The following RYR2 variants were observed in gnomAD, a reference collection of about 807,000 sequenced individuals.
RYR2 encodes cardiac muscle ryanodine receptor-calcium release channel.
RYR2 carries 227 observed loss-of-function variants against 601.1 expected under a neutral mutation model. The ratio of observed to expected loss-of-function variants is 0.38; its 90% CI spans 0.34 to 0.42. The LOEUF is 0.42. RYR2 is among the 10% of genes least tolerant of loss of function. The probability of loss-of-function intolerance (pLI) is 1.00; values close to 1 mark genes in which losing one functional copy is unlikely to be tolerated. For synonymous variants in RYR2, 2,223 were observed against 2,175.1 expected (o/e 1.02, Z -0.61); for missense variants, 4,646 against 6,156.5 (o/e 0.75, Z 8.21).
chr1:237,453,063 G>A (rs1244225213), intron 14 of RYR2, among the ~76,000 whole-genome samples: 2 of 151,980 alleles, frequency 1.3e-5, no homozygotes, highest in African/African-American at 4.8e-5. Flanking sequence ...ATTAACAGTT[G>A]AGTTTGAATT....
intron 91 of RYR2, among the ~76,000 whole-genome samples, chr1:237,787,390 C>T (rs1573948435): frequency 6.6e-6 from 1 of 151,782 alleles, no homozygotes; most frequent in Admixed American, 6.6e-5. Flanking sequence ...GAGTTCAAGA[C>T]CAGCCTGGCC....
intron 95 of RYR2, 78 bp from the exon 96 acceptor site, chr1:237,795,211 G>T: frequency 3.0e-6 from 2 of 672,640 alleles, no homozygotes; most frequent in Non-Finnish European, 2.5e-6. Context: ...TTTTAAGTAT[G>T]CCATATATCC....
At chr1:237,128,103 CTGAG>C (rs1671733625) in intron 1 of RYR2, among the ~76,000 whole-genome samples, 2 of 152,196 alleles carry the variant, frequency 1.3e-5, no homozygotes, top group Non-Finnish European at 2.9e-5. Context: ...CCATTGAGCA[CTGAG>C]TGAACGAGAC....
At chr1:237,328,008 G>C (rs1195024757) in intron 2 of RYR2, among the ~76,000 whole-genome samples, 1 of 152,170 alleles carries the variant, frequency 6.6e-6, no homozygotes, top group Non-Finnish European at 1.5e-5. Flanking sequence ...TGGCACGCTG[G>C]AAACAGCTCT....
intron 45 of RYR2, 151 bp from the exon 46 acceptor site, chr1:237,638,864 A>G (rs1217988864): frequency 2.1e-6 from 2 of 941,556 alleles, no homozygotes; most frequent in Non-Finnish European, 3.2e-6. Context: ...CATATACTTA[A>G]TGCTAGCAAT....
intron 84 of RYR2, among the ~76,000 whole-genome samples, chr1:237,763,141 T>A (rs539342773): frequency 5.3e-5 from 8 of 152,250 alleles, no homozygotes; most frequent in Non-Finnish European, 1.0e-4. Flanking sequence ...GTTATTAGTA[T>A]GTCAGATATG....
Position 237,722,763 on chromosome 1 carries a change from G to C in RYR2, c.10555-365G>C, listed in dbSNP as rs1284329159. Among the ~76,000 whole-genome samples, 4 of 152,096 alleles carry C rather than the reference G, an allele frequency of 2.6e-5. No homozygotes were observed. In the East Asian group the frequency reaches 7.7e-4, roughly 29 times the overall value. On this transcript the variant is annotated intron_variant, in intron 73 of 104. Coordinates refer to ENST00000366574, the MANE Select transcript of RYR2 (RefSeq NM_001035.3). The stretch of plus-strand genomic sequence containing the variant: ...TTTTAATTTTTAATAATTGTATATA[G>C]TTAAGGTGTCCAACAGGATGTTTCA...
At chr1:237,248,075 C>A (rs1687043843) in intron 1 of RYR2, among the ~76,000 whole-genome samples, 1 of 152,086 alleles carries the variant, frequency 6.6e-6, no homozygotes, top group Non-Finnish European at 1.5e-5. Context: ...AGTTTGAGCC[C>A]AGCCTGGGTA....
At chr1:237,504,899 T>TA (rs1456362641) in intron 22 of RYR2, among the ~76,000 whole-genome samples, 1 of 152,132 alleles carries the variant, frequency 6.6e-6, no homozygotes, top group Non-Finnish European at 1.5e-5. Flanking sequence ...AGGCATTAGT[T>TA]AGAGTCTCAT....
intron 100 of RYR2, among the ~76,000 whole-genome samples, chr1:237,814,813 G>T (rs1265186595): frequency 6.6e-6 from 1 of 151,932 alleles, no homozygotes; most frequent in Non-Finnish European, 1.5e-5. Context: ...TATGCACTTT[G>T]GGAAAAATAG....
Position 237,625,592 on chromosome 1 carries a change from G to T in RYR2, c.6023-69G>T. ...AGTTGTGCATGAAAGAAATTACAAG[G>T]CCTCAGAATTATTTGCCCAAGTGTA... On this transcript the variant is annotated intron_variant, in intron 39 of 104. Coordinates refer to ENST00000366574, the MANE Select transcript of RYR2 (RefSeq NM_001035.3). 5 of 1,471,650 alleles carry T rather than the reference G, an allele frequency of 3.4e-6. No homozygotes were observed. In the South Asian group the frequency reaches 6.4e-5, roughly 19 times the overall value. 91.2% of individuals were successfully genotyped at this position (1,471,650 alleles called of 1,614,324 possible).
chr1:237,778,676 C>G lies in RYR2; in HGVS notation c.11786C>G (p.Thr3929Ser). The G allele has an allele frequency of 6.3e-7, 1 of 1,596,144 alleles. No homozygotes were observed. The highest frequency in any genetic ancestry group is 8.6e-7 in the Non-Finnish European group (1 of 1,165,460). ...CTGTTTATGCTCCAGGGTCCTTGCA[C>G]TGGGAATCAACAGAGTTTGGCACAC... ...TLTEYIQGPC[T>S]GNQQSLAHSR... Residue 3929 changes from threonine (T) to serine (S), a missense_variant, in exon 88 of 105, where the codon ACT becomes AGT. By Grantham distance (58) the Thr-to-Ser change is moderately conservative. Around this residue, in one of 17 missense-constraint regions of RYR2, gnomAD observed 90 missense variants for 213.3 expected, o/e 0.42. Transcript: ENST00000366574.
chr1:237,088,451 G>A (rs1466163684), intron 1 of RYR2, among the ~76,000 whole-genome samples: 1 of 152,142 alleles, frequency 6.6e-6, no homozygotes, highest in East Asian at 1.9e-4. Context: ...ATGTGTATTG[G>A]ATGCCTCCTG....
In RYR2 at chr1:237,794,534, TCA is replaced by T. The variant is rs1328829122; in HGVS notation, c.13913+538_13913+539del. On this transcript the variant is annotated intron_variant, in intron 95 of 104. Coordinates refer to ENST00000366574, the MANE Select transcript of RYR2 (RefSeq NM_001035.3). ...CCAATAAACATTTAGCCCTGTGAGA[TCA>T]AGACCCAAACTACTAGCTGCTGTTC... Among the ~76,000 whole-genome samples the T allele has an allele frequency of 2.6e-5, 4 of 152,300 alleles. No individual in the cohort carries two copies. The East Asian group carries it at 5.8e-4, about 22-fold the overall frequency.
chr1:237,666,894 A>C (rs1285996135), intron 57 of RYR2, among the ~76,000 whole-genome samples: 2 of 151,914 alleles, frequency 1.3e-5, no homozygotes, highest in African/African-American at 4.8e-5. Context: ...TGAGTGACAG[A>C]GTGAGACTCC....
At chr1:237,200,267 C>T (rs538120207) in intron 1 of RYR2, among the ~76,000 whole-genome samples, 2 of 152,018 alleles carry the variant, frequency 1.3e-5, no homozygotes, top group East Asian at 3.9e-4. Flanking sequence ...CCAACCATTC[C>T]ATTCTTTTTT....
chr1:237,796,685 G>T (rs1659271494), intron 96 of RYR2, among the ~76,000 whole-genome samples: 1 of 151,576 alleles, frequency 6.6e-6, no homozygotes, highest in African/African-American at 2.4e-5. Flanking sequence ...TTCACATTCT[G>T]TCTCCTTTTC....
At chr1:237,049,660 A>G (rs1424852571) in intron 1 of RYR2, among the ~76,000 whole-genome samples, 2 of 152,164 alleles carry the variant, frequency 1.3e-5, no homozygotes, top group Non-Finnish European at 2.9e-5. Context: ...GAAAGCTGAC[A>G]ACAAGCTTTG....
intron 101 of RYR2, among the ~76,000 whole-genome samples, chr1:237,823,195 C>T (rs1327087284): frequency 6.6e-6 from 1 of 152,194 alleles, no homozygotes; most frequent in African/African-American, 2.4e-5. Flanking sequence ...CAGACATCTA[C>T]AGAACTCTCC....
Sources: allele counts gnomAD v4.1 joint callset (sites outside exome capture counted in the v4.1 genomes callset), GRCh38; gene constraint gnomAD v4.1.1; regional missense constraint gnomAD v4.1.1; transcripts MANE v1.5; gene names NCBI Gene and HGNC (gene_info 2026-07-23, HGNC 2026-07-21).